ERBB4: variants seen among roughly 807,000 people sequenced by gnomAD.
The protein encoded by ERBB4 is erb-b2 receptor tyrosine kinase 4, also known as receptor tyrosine-protein kinase erbB-4.
ERBB4 carries 42 observed loss-of-function variants against 158.0 expected under a neutral mutation model. The ratio of observed to expected loss-of-function variants is 0.27; its 90% CI spans 0.21 to 0.34. ERBB4 has a LOEUF of 0.34. Ranked by LOEUF, ERBB4 falls within the 10% of genes least tolerant of loss-of-function variation. The pLI, the probability that ERBB4 is intolerant of heterozygous loss-of-function variation, is 1.00. For synonymous variants in ERBB4, 583 were observed against 558.7 expected (o/e 1.04, Z -0.61); for missense variants, 1,333 against 1,624.1 (o/e 0.82, Z 3.08).
intron 3 of ERBB4, among the ~76,000 whole-genome samples, chr2:211,858,323 G>C (rs2077924331): frequency 1.3e-5 from 2 of 152,174 alleles, no homozygotes; most frequent in African/African-American, 4.8e-5. Flanking sequence ...CCCGTAGACA[G>C]TTCCATAACC....
At chr2:212,371,548 G>GT (rs947997454) in intron 1 of ERBB4, among the ~76,000 whole-genome samples, 7 of 152,132 alleles carry the variant, frequency 4.6e-5, no homozygotes, top group Admixed American at 1.3e-4. Context: ...AAGTTCTATT[G>GT]TATTTAGGAA....
At chr2:211,928,099 C>T (rs1437653579) in intron 3 of ERBB4, among the ~76,000 whole-genome samples, 3 of 152,004 alleles carry the variant, frequency 2.0e-5, no homozygotes, top group Non-Finnish European at 4.4e-5. Context: ...AGGTCACGCA[C>T]CTGGAATATT....
chr2:211,923,608 G>C (rs78068641), intron 3 of ERBB4, among the ~76,000 whole-genome samples: 35 of 152,148 alleles, frequency 2.3e-4, no homozygotes, highest in African/African-American at 8.4e-4. Context: ...TTCAAGTAGA[G>C]GGGAAAAGGT....
chr2:211,439,010 G>GTA (rs2063916955), intron 20 of ERBB4, among the ~76,000 whole-genome samples: 1 of 150,884 alleles, frequency 6.6e-6, no homozygotes. Context: ...GTGTGTGTGT[G>GTA]TGTGTAAGCA....
chr2:211,591,826 C>T (rs1235597509), intron 19 of ERBB4, among the ~76,000 whole-genome samples: 1 of 152,164 alleles, frequency 6.6e-6, no homozygotes, highest in Admixed American at 6.6e-5. Flanking sequence ...ATATAAAAAC[C>T]ATGTAACTTT....
chr2:212,515,411 T>C (rs982618037), intron 1 of ERBB4, among the ~76,000 whole-genome samples: 1 of 152,120 alleles, frequency 6.6e-6, no homozygotes, highest in Non-Finnish European at 1.5e-5. Context: ...TCCTTTTCAG[T>C]GTTAAATTTA....
At chr2:211,864,099 C>T (rs1273355068) in intron 3 of ERBB4, among the ~76,000 whole-genome samples, 1 of 152,182 alleles carries the variant, frequency 6.6e-6, no homozygotes, top group African/African-American at 2.4e-5. Context: ...TAGATTTTCT[C>T]ATCACCCAGT....
At chr2:211,861,350 G>GTTTGTTTTTTTTTTT (rs2078047502) in intron 3 of ERBB4, among the ~76,000 whole-genome samples, 1 of 88,952 alleles carries the variant, frequency 1.1e-5, no homozygotes, top group African/African-American at 4.2e-5. Flanking sequence ...TTTTTTTTTT[G>GTTTGTTTTTTTTTTT]TTTTTTTTTT....
At chr2:212,409,309 T>C (rs750047295) in intron 1 of ERBB4, among the ~76,000 whole-genome samples, 10 of 152,112 alleles carry the variant, frequency 6.6e-5, no homozygotes, top group South Asian at 2.1e-4. Flanking sequence ...TTAAAAGCAG[T>C]AAATAAGTAA....
intron 4 of ERBB4, among the ~76,000 whole-genome samples, chr2:211,785,291 C>T (rs943075625): frequency 3.9e-5 from 6 of 151,940 alleles, no homozygotes; most frequent in Non-Finnish European, 7.4e-5. Flanking sequence ...TTAGTAGAGG[C>T]GGGGTTTCAC....
chr2:212,119,536 A>G (rs532062750), intron 2 of ERBB4, among the ~76,000 whole-genome samples: 63 of 152,276 alleles, frequency 4.1e-4, no homozygotes, highest in African/African-American at 1.5e-3. Flanking sequence ...AAGAGTTCAC[A>G]AAGTGTAAGA....
intron 20 of ERBB4, among the ~76,000 whole-genome samples, chr2:211,542,527 A>T (rs2066837464): frequency 6.6e-6 from 1 of 151,984 alleles, no homozygotes; most frequent in Non-Finnish European, 1.5e-5. Flanking sequence ...AATTTGGGTG[A>T]CTATGCTTCT....
intron 20 of ERBB4, among the ~76,000 whole-genome samples, chr2:211,481,111 T>C (rs1437674152): frequency 1.3e-5 from 2 of 152,188 alleles, no homozygotes; most frequent in African/African-American, 2.4e-5. Context: ...ATTATTTTCA[T>C]TGTCACTATC....
At chr2:211,861,350 G>T (rs10190390) in intron 3 of ERBB4, among the ~76,000 whole-genome samples, 263 of 88,754 alleles carry the variant, frequency 3.0e-3, no homozygotes, top group Middle Eastern at 6.7e-3. Context: ...TTTTTTTTTT[G>T]TTTTTTTTTT....
At chr2:212,535,980 A>G (rs903181370) in intron 1 of ERBB4, among the ~76,000 whole-genome samples, 1 of 152,202 alleles carries the variant, frequency 6.6e-6, no homozygotes, top group Admixed American at 6.5e-5. Flanking sequence ...AAGCGTGTCT[A>G]ATAATGCGAG....
In ERBB4 at chr2:212,250,685, T is replaced by C. The variant is rs1030685061; in HGVS notation, c.83-125782A>G. ...ATTCTTCCATGTTAGACAAACAATT[T>C]TTGAATGAATGAATTCAAACATCTT... On this transcript the variant is annotated intron_variant, in intron 1 of 27. Coordinates refer to ENST00000342788, the MANE Select transcript of ERBB4 (RefSeq NM_005235.3). Among the ~76,000 whole-genome samples the C allele has an allele frequency of 2.6e-5, 4 of 152,000 alleles. No individual in the cohort carries two copies. In the East Asian group the frequency reaches 7.7e-4, roughly 29 times the overall value.
intron 3 of ERBB4, among the ~76,000 whole-genome samples, chr2:211,880,980 T>G (rs1397031397): frequency 6.6e-6 from 1 of 152,174 alleles, no homozygotes; most frequent in East Asian, 1.9e-4. Context: ...CAGTTTTGAC[T>G]GGAAAATTAA....
At chr2:211,632,852 T>C (rs1474075577) in intron 16 of ERBB4, among the ~76,000 whole-genome samples, 1 of 152,138 alleles carries the variant, frequency 6.6e-6, no homozygotes, top group Non-Finnish European at 1.5e-5. Flanking sequence ...TACTTGAATT[T>C]CTTTACTGTT....
chr2:212,018,670 C>T (rs991190247), intron 2 of ERBB4, among the ~76,000 whole-genome samples: 3 of 152,152 alleles, frequency 2.0e-5, no homozygotes, highest in African/African-American at 4.8e-5. Flanking sequence ...TCATAGAACA[C>T]ATTAGACAAG....
Sources: allele counts gnomAD v4.1 joint callset (sites outside exome capture counted in the v4.1 genomes callset), GRCh38; gene constraint gnomAD v4.1.1; transcripts MANE v1.5; gene names NCBI Gene and HGNC (gene_info 2026-07-23, HGNC 2026-07-21).